The following SDCCAG8 variants were observed in gnomAD, a reference collection of about 807,000 sequenced individuals.
SDCCAG8 encodes the protein SHH signaling and ciliogenesis regulator SDCCAG8.
SDCCAG8 carries 74 observed loss-of-function variants against 101.8 expected under a neutral mutation model. That is an observed-to-expected ratio of 0.73 (90% CI 0.60 to 0.88). The LOEUF is 0.88. Ranked by LOEUF, SDCCAG8 falls within the 40% of genes least tolerant of loss-of-function variation. SDCCAG8 has a pLI of 0.00. For missense variants in SDCCAG8, 787 were observed against 822.6 expected (o/e 0.96, Z 0.53); for synonymous variants, 281 against 292.9 (o/e 0.96, Z 0.41).
At chr1:243,441,333 T>C (rs1394183816) in intron 16 of SDCCAG8, among the ~76,000 whole-genome samples, 1 of 152,210 alleles carries the variant, frequency 6.6e-6, no homozygotes, top group Non-Finnish European at 1.5e-5. Context: ...CTGTTCATGC[T>C]GAATTGTTTT....
At chr1:243,337,712 T>A (rs1365797619) in intron 10 of SDCCAG8, among the ~76,000 whole-genome samples, 6 of 152,228 alleles carry the variant, frequency 3.9e-5, no homozygotes, top group Non-Finnish European at 7.3e-5. Context: ...TAATAAATTT[T>A]AGCTTGTGGC....
At chr1:243,297,758 C>G (rs2071075680) in intron 6 of SDCCAG8, among the ~76,000 whole-genome samples, 1 of 152,094 alleles carries the variant, frequency 6.6e-6, no homozygotes, top group African/African-American at 2.4e-5. Flanking sequence ...ATTCAGATAT[C>G]CTTCTTATTA....
intron 10 of SDCCAG8, among the ~76,000 whole-genome samples, chr1:243,338,089 T>TA (rs112171984): frequency 2.8e-4 from 41 of 146,824 alleles, no homozygotes; most frequent in Middle Eastern, 3.5e-3. Flanking sequence ...CCTGGCTAAC[T>TA]AAAAAAAAAA....
At chr1:243,409,644 A>G (rs986407640) in intron 13 of SDCCAG8, among the ~76,000 whole-genome samples, 2 of 152,198 alleles carry the variant, frequency 1.3e-5, no homozygotes, top group Non-Finnish European at 2.9e-5. Context: ...CCACGTGAAC[A>G]ATAGAGACAT....
intron 16 of SDCCAG8, among the ~76,000 whole-genome samples, chr1:243,447,511 C>T (rs79414540): frequency 0.045 from 6,877 of 151,954 alleles, 558 homozygotes; most frequent in African/African-American, 0.16. Context: ...TGTGTGCCTG[C>T]GCACGCACAC....
At chr1:243,290,654 G>A (rs2070159197) in intron 5 of SDCCAG8, among the ~76,000 whole-genome samples, 1 of 152,110 alleles carries the variant, frequency 6.6e-6, no homozygotes, top group South Asian at 2.1e-4. Context: ...AGACCCCCCT[G>A]CAGGCACCAT....
chr1:243,419,052 G>C (rs144355217), intron 15 of SDCCAG8, among the ~76,000 whole-genome samples: 69 of 152,102 alleles, frequency 4.5e-4, no homozygotes, highest in African/African-American at 1.5e-3. Flanking sequence ...TGATCACTCT[G>C]AGCTCCATCT....
chr1:243,454,406 G>T (rs74150999), intron 16 of SDCCAG8, among the ~76,000 whole-genome samples: 9,118 of 152,152 alleles, frequency 0.06, 445 homozygotes, highest in African/African-American at 0.13. Flanking sequence ...GCCAGGCAGA[G>T]AGGCCTGGTT....
At chr1:243,414,853 G>GTGTA (rs2080454921) in intron 13 of SDCCAG8, among the ~76,000 whole-genome samples, 1 of 145,634 alleles carries the variant, frequency 6.9e-6, no homozygotes, top group Non-Finnish European at 1.5e-5. Flanking sequence ...ATATGTGTGT[G>GTGTA]TGTGTGTGTG....
chr1:243,278,747 T>A (rs1267172766), intron 4 of SDCCAG8, among the ~76,000 whole-genome samples: 1 of 152,140 alleles, frequency 6.6e-6, no homozygotes, highest in Non-Finnish European at 1.5e-5. Flanking sequence ...TCCTTTCCAA[T>A]ATATTTAGAT....
intron 16 of SDCCAG8, among the ~76,000 whole-genome samples, chr1:243,480,327 T>G (rs1574295137): frequency 1.6e-4 from 15 of 93,856 alleles, no homozygotes; most frequent in South Asian, 8.1e-4. Flanking sequence ...ATGGGTGGGA[T>G]GGATGGATGG....
At chr1:243,424,987 A>T (rs1382081897) in intron 15 of SDCCAG8, among the ~76,000 whole-genome samples, 1 of 152,102 alleles carries the variant, frequency 6.6e-6, no homozygotes, top group Non-Finnish European at 1.5e-5. Context: ...AAGGGATACC[A>T]GATCAAAAAT....
At chr1:243,490,236 CA>C (rs1666061788) in intron 17 of SDCCAG8, among the ~76,000 whole-genome samples, 1 of 152,354 alleles carries the variant, frequency 6.6e-6, no homozygotes, top group East Asian at 1.9e-4. Flanking sequence ...AGTAAATGAG[CA>C]CACCCAGGCG....
chr1:243,480,454 G>C (rs1158264959), intron 16 of SDCCAG8, among the ~76,000 whole-genome samples: 1 of 74,672 alleles, frequency 1.3e-5, no homozygotes, highest in African/African-American at 5.9e-5. Flanking sequence ...TGGATGAATG[G>C]GGGATGGATG....
intron 12 of SDCCAG8, among the ~76,000 whole-genome samples, chr1:243,374,427 T>C (rs58560561): frequency 2.6e-5 from 4 of 151,850 alleles, no homozygotes; most frequent in Admixed American, 1.3e-4. Context: ...GAAAAAGAGA[T>C]GACTGTAAAA....
chr1:243,260,702 C>T (rs965399627), intron 1 of SDCCAG8, among the ~76,000 whole-genome samples: 1 of 152,190 alleles, frequency 6.6e-6, no homozygotes, highest in African/African-American at 2.4e-5. Context: ...CACCTCATTC[C>T]TAGCCACCTT....
At chr1:243,353,709 A>G (rs1163604982) in intron 12 of SDCCAG8, among the ~76,000 whole-genome samples, 7 of 151,986 alleles carry the variant, frequency 4.6e-5, no homozygotes, top group Non-Finnish European at 7.4e-5. Flanking sequence ...GTTGTAATAG[A>G]TTGCTCATAG....
chr1:243,477,258 G>A (rs1472960798), intron 16 of SDCCAG8, among the ~76,000 whole-genome samples: 2 of 152,176 alleles, frequency 1.3e-5, no homozygotes, highest in Admixed American at 1.3e-4. Context: ...GTATGGCCTT[G>A]AGCCACATGC....
intron 4 of SDCCAG8, among the ~76,000 whole-genome samples, chr1:243,284,913 C>T (rs1272671628): frequency 4.6e-5 from 7 of 151,478 alleles, no homozygotes; most frequent in South Asian, 2.1e-4. Context: ...GACGGAGTCT[C>T]GCTCTGTCAC....
Sources: allele counts gnomAD v4.1 joint callset (sites outside exome capture counted in the v4.1 genomes callset), GRCh38; gene constraint gnomAD v4.1.1; transcripts MANE v1.5; gene names NCBI Gene and HGNC (gene_info 2026-07-23, HGNC 2026-07-21).